The following PIAS2 variants were observed in gnomAD, a reference collection of about 807,000 sequenced individuals.
PIAS2 encodes the protein protein inhibitor of activated STAT 2.
PIAS2 carries 19 observed loss-of-function variants against 69.7 expected under a neutral mutation model. That is an observed-to-expected ratio of 0.27 (90% CI 0.19 to 0.40). The LOEUF (loss-of-function observed/expected upper bound fraction) is 0.40, where lower values mean the gene tolerates loss of function less well. Among genes scored for constraint, PIAS2 ranks in the 10% least tolerant of loss-of-function variants. The probability of loss-of-function intolerance (pLI) is 1.00; values close to 1 mark genes in which losing one functional copy is unlikely to be tolerated. For missense variants in PIAS2, 624 were observed against 757.0 expected, an observed-to-expected ratio of 0.82 and a Z score of 2.06; for synonymous variants, 261 against 263.2, an observed-to-expected ratio of 0.99 and a Z score of 0.08.
In PIAS2 at chr18:46,816,705, T is replaced by C. The variant is rs1386017035; in HGVS notation, c.1649-1356A>G. 5.9e-6 allele frequency: 4 copies of C among 672,934 alleles called. No individual in the cohort carries two copies. The African/African-American group carries it at 7.8e-5, about 13-fold the overall frequency. 41.7% of individuals were successfully genotyped at this position (672,934 alleles called of 1,614,324 possible). On this transcript the variant is annotated intron_variant, in intron 12 of 13. Coordinates refer to ENST00000585916, the MANE Select transcript of PIAS2 (RefSeq NM_004671.5). ...TTGGTTTTGAACTCCAGAGCTCAAG[T>C]GATCCTCCCGCCTCAGCCTCCCAAA...
At chr18:46,839,663 G>C (rs1273240290) in intron 8 of PIAS2, among the ~76,000 whole-genome samples, 1 of 151,872 alleles carries the variant, frequency 6.6e-6, no homozygotes, top group Non-Finnish European at 1.5e-5. Context: ...TCAGGAGTTC[G>C]ACACCAGCCC....
intron 1 of PIAS2, among the ~76,000 whole-genome samples, chr18:46,899,066 A>C (rs919424751): frequency 6.6e-6 from 1 of 152,044 alleles, no homozygotes; most frequent in African/African-American, 2.4e-5. Flanking sequence ...AATACTCAAC[A>C]CTGAAAAGGT....
At chr18:46,888,247 CTT>C (rs1400285272) in intron 2 of PIAS2, among the ~76,000 whole-genome samples, 1 of 151,986 alleles carries the variant, frequency 6.6e-6, no homozygotes, top group African/African-American at 2.4e-5. Flanking sequence ...TACTGGAAGA[CTT>C]AATTTTTTTT....
In PIAS2 at chr18:46,809,801, G is replaced by A. The variant is rs2040888185; in HGVS notation, c.*2632C>T. The A allele has an allele frequency of 6.6e-6, 1 of 151,514 alleles. No individual in the cohort carries two copies. Among genetic ancestry groups the A allele is most frequent in the South Asian group, 2.1e-4 (1 of 4,784 alleles). 9.4% of individuals were successfully genotyped at this position (151,514 alleles called of 1,614,324 possible). ...TGATTTTAGGAGGCTGACAATTACA[G>A]TTCATTTCCTAAGATATTCCAGACA... On this transcript the variant is annotated 3_prime_UTR_variant, in exon 14 of 14. Coordinates refer to ENST00000585916, the MANE Select transcript of PIAS2 (RefSeq NM_004671.5).
At chr18:46,846,241 A>T (rs901939485) in intron 6 of PIAS2, among the ~76,000 whole-genome samples, 10 of 152,188 alleles carry the variant, frequency 6.6e-5, no homozygotes, top group Non-Finnish European at 1.3e-4. Context: ...TTCTAAGTAA[A>T]TATTTTTATA....
At chr18:46,820,859 C>T (rs1472405277) in intron 12 of PIAS2, 74 bp downstream of exon 12, 27 of 1,434,746 alleles carry the variant, frequency 1.9e-5, no homozygotes, top group Non-Finnish European at 2.5e-5. Flanking sequence ...CAAAACTATA[C>T]TGGCTTCACA....
chr18:46,859,675 C>T (rs1464277843), intron 3 of PIAS2, among the ~76,000 whole-genome samples: 2 of 151,974 alleles, frequency 1.3e-5, no homozygotes, highest in Non-Finnish European at 2.9e-5. Flanking sequence ...TAAATGTGTG[C>T]TAAATGAATG....
At chr18:46,904,045 C>A (rs1197458877) in intron 1 of PIAS2, 2 of 151,982 alleles carry the variant, frequency 1.3e-5, no homozygotes, top group African/African-American at 2.4e-5. Flanking sequence ...GAGCGGGCCC[C>A]AGAGAGTGAG....
intron 11 of PIAS2, among the ~76,000 whole-genome samples, chr18:46,821,698 T>C (rs1187435150): frequency 1.3e-5 from 2 of 152,158 alleles, no homozygotes; most frequent in Admixed American, 6.6e-5. Context: ...GCTACCATGA[T>C]AGCACCTACC....
chr18:46,815,972 A>C, intron 12 of PIAS2: 2 of 985,392 alleles, frequency 2.0e-6, no homozygotes, highest in Non-Finnish European at 2.4e-6. Context: ...GATTTTAGAA[A>C]GAGGAATGTG....
intron 1 of PIAS2, among the ~76,000 whole-genome samples, chr18:46,898,369 T>C (rs2055234262): frequency 6.6e-6 from 1 of 150,622 alleles, no homozygotes; most frequent in Non-Finnish European, 1.5e-5. Context: ...GGTCTTGAAC[T>C]CCGGCCTCAA....
chr18:46,816,555 G>A, intron 12 of PIAS2: 1 of 554,728 alleles, frequency 1.8e-6, no homozygotes, highest in Non-Finnish European at 2.3e-6. Context: ...ATAGGTAACT[G>A]TAGCCTTTAC....
intron 11 of PIAS2, among the ~76,000 whole-genome samples, chr18:46,825,457 C>A (rs985113309): frequency 3.3e-5 from 5 of 152,168 alleles, no homozygotes; most frequent in Admixed American, 2.6e-4. Flanking sequence ...CATTGTCTCC[C>A]TTTTAAGAAC....
intron 11 of PIAS2, among the ~76,000 whole-genome samples, chr18:46,822,995 T>C (rs1490529699): frequency 6.7e-6 from 1 of 150,006 alleles, no homozygotes; most frequent in Admixed American, 6.7e-5. Context: ...CTCAGGTCTT[T>C]GGGAGGCCAA....
chr18:46,906,762 ATGTG>A (rs36074552), intron 1 of PIAS2, among the ~76,000 whole-genome samples: 4 of 101,216 alleles, frequency 4.0e-5, no homozygotes, highest in Non-Finnish European at 8.0e-5. Context: ...AACAAGATGT[ATGTG>A]TGTGTGTGGG....
chr18:46,866,475 A>C (rs1352173020), intron 2 of PIAS2, among the ~76,000 whole-genome samples: 1 of 152,278 alleles, frequency 6.6e-6, no homozygotes, highest in Admixed American at 6.5e-5. Context: ...AGAAGATATA[A>C]GAATTTGCTG....
chr18:46,918,897 C>T (rs1176328996), upstream of PIAS2, among the ~76,000 whole-genome samples: 2 of 152,174 alleles, frequency 1.3e-5, no homozygotes, highest in East Asian at 1.9e-4. Flanking sequence ...CCTGTTATGA[C>T]CTCTCCTAGG....
intron 2 of PIAS2, among the ~76,000 whole-genome samples, chr18:46,876,572 A>G (rs999562624): frequency 1.3e-5 from 2 of 152,182 alleles, no homozygotes; most frequent in East Asian, 1.9e-4. Flanking sequence ...TTGGAACTCA[A>G]TGTTGTACTT....
intron 6 of PIAS2, 112 bp from the exon 7 acceptor site, chr18:46,844,951 C>T (rs2045957473): frequency 2.1e-6 from 1 of 467,356 alleles, no homozygotes; most frequent in Admixed American, 4.2e-5. Context: ...TTCAAAATAA[C>T]TTCCATGGAA....
Sources: gnomAD v4.1 joint callset for allele counts (sites outside exome capture counted in the v4.1 genomes callset) on GRCh38, gnomAD v4.1.1 for gene constraint, MANE v1.5 for transcripts, NCBI Gene and HGNC (gene_info 2026-07-23, HGNC 2026-07-21) for gene names.